DGAT1: variants seen among roughly 807,000 people sequenced by gnomAD.
DGAT1 encodes the protein ACAT related gene product 1.
A neutral mutation model predicts 72.6 loss-of-function variants in DGAT1; 60 were observed. The ratio of observed to expected loss-of-function variants is 0.83; its 90% CI spans 0.67 to 1.02. DGAT1 has a LOEUF of 1.02. DGAT1 is among the 50% of genes least tolerant of loss of function. The pLI, the probability that DGAT1 is intolerant of heterozygous loss-of-function variation, is 0.00. For synonymous variants in DGAT1, 290 were observed against 267.5 expected, an observed-to-expected ratio of 1.08 and a Z score of -0.82; for missense variants, 592 against 670.0, an observed-to-expected ratio of 0.88 and a Z score of 1.29.
chr8:144,325,320 C>G (rs1394725365), intron 1 of DGAT1, among the ~76,000 whole-genome samples: 1 of 152,172 alleles, frequency 6.6e-6, no homozygotes, highest in African/African-American at 2.4e-5. Flanking sequence ...TGCTCCATGC[C>G]TGACTCTCGC....
Position 144,317,031 on chromosome 8 carries a change from G to A in DGAT1, c.1239C>T (p.Phe413=), listed in dbSNP as rs781911802. The A allele has an allele frequency of 5.6e-6, 9 of 1,612,286 alleles. No homozygotes were observed. Among genetic ancestry groups the A allele is most frequent in the Non-Finnish European group, 7.6e-6 (9 of 1,179,782 alleles). ...CCCCCAGAGCACTGACCTCGTGGAAGAAGGCCGAGGCCAGGAACACCCCTG... is the reference window on the plus strand; with the variant it reads ...CCCCCAGAGCACTGACCTCGTGGAAAAAGGCCGAGGCCAGGAACACCCCTG... ...ARTGVFLASA[F]FHEYLVSVPL... The change falls in exon 15 of 17, where the codon TTC becomes TTT. Residue 413 remains phenylalanine, a synonymous_variant. Coordinates refer to ENST00000528718, the MANE Select transcript of DGAT1 (RefSeq NM_012079.6).
intron 2 of DGAT1, 116 bp from the exon 3 acceptor site, chr8:144,319,184 A>G (rs1327782493): frequency 3.6e-5 from 44 of 1,231,836 alleles, no homozygotes; most frequent in Non-Finnish European, 4.7e-5. Flanking sequence ...CGGCAGCCTC[A>G]GGCTTGCAGA....
chr8:144,317,257 G>C lies in DGAT1; in HGVS notation c.1095-5C>G. 1 of 1,610,824 alleles carries C rather than the reference G, an allele frequency of 6.2e-7. No individual in the cohort carries two copies. Among genetic ancestry groups the C allele is most frequent in the Non-Finnish European group, 8.5e-7 (1 of 1,177,750 alleles). Reference sequence around the variant, plus strand: ...TAGGTGACAGACTCGGAGTTCCTGGGGGCCAAGAGACCACAGGGGGATCAG... The same window carrying C: ...TAGGTGACAGACTCGGAGTTCCTGGCGGCCAAGAGACCACAGGGGGATCAG... On this transcript the variant is annotated splice_polypyrimidine_tract_variant and splice_region_variant and intron_variant, in intron 13 of 16. Transcript: ENST00000528718.
chr8:144,325,289 G>A (rs1031757160), intron 1 of DGAT1, among the ~76,000 whole-genome samples: 6 of 151,950 alleles, frequency 3.9e-5, no homozygotes, highest in Non-Finnish European at 8.8e-5. Context: ...CAAGGCCTCC[G>A]TGCCCGACCT....
intron 2 of DGAT1, among the ~76,000 whole-genome samples, chr8:144,319,475 C>T (rs977209305): frequency 2.0e-5 from 3 of 152,240 alleles, no homozygotes; most frequent in Non-Finnish European, 2.9e-5. Flanking sequence ...CCCCAGAATA[C>T]AGGCCTGCCC....
chr8:144,325,107 C>T (rs536452641), intron 1 of DGAT1, among the ~76,000 whole-genome samples: 1 of 152,136 alleles, frequency 6.6e-6, no homozygotes, highest in Admixed American at 6.5e-5. Flanking sequence ...ATTCCCACGT[C>T]CTCCACAGGT....
rs782257835 is a variant in DGAT1 at position 144,319,043 on chromosome 8, A to G, written c.314T>C (p.Leu105Pro). 6.4e-7 allele frequency: 1 copy of G among 1,557,910 alleles called. No homozygotes were observed. The highest frequency in any genetic ancestry group is 1.2e-5 in the South Asian group (1 of 84,412). Residue 105 changes from leucine to proline, a missense_variant, in exon 3 of 17, where the codon CTG becomes CCG. Leu to Pro is a moderately conservative substitution (Grantham distance 98). Transcript: ENST00000528718. Reference sequence around the variant, plus strand: ...AGGCACTCACTTGATGAGGTTCTCCAGAAATAACCGGGCATTGCTCAAGAT... The same window carrying G: ...AGGCACTCACTTGATGAGGTTCTCCGGAAATAACCGGGCATTGCTCAAGAT... ...MLILSNARLF[L>P]ENLIKYGILV...
Position 144,316,493 on chromosome 8 carries a change from AGAGGTGGGCTCTGGCAGCGGGTGT to A in DGAT1, c.*37_*60del. ...TCCCCAGCACTCGAGGCCTAGGAGG[AGAGGTGGGCTCTGGCAGCGGGTGT>A]GAGGTGGCAGTGAGAAGCCAGGCCC... On this transcript the variant is annotated 3_prime_UTR_variant, in exon 17 of 17. Transcript: ENST00000528718. 6.6e-7 allele frequency: 1 copy of A among 1,514,196 alleles called. No homozygotes were observed. Among genetic ancestry groups the A allele is most frequent in the Non-Finnish European group, 8.9e-7 (1 of 1,127,854 alleles). The allele number at this position is 1,514,196 out of a possible 1,614,324, so 93.8% of individuals were successfully genotyped here.
intron 2 of DGAT1, among the ~76,000 whole-genome samples, chr8:144,320,977 A>T (rs1386290444): frequency 1.3e-5 from 2 of 151,918 alleles, no homozygotes; most frequent in Non-Finnish European, 2.9e-5. Flanking sequence ...GAGGCCCTGC[A>T]CCCCTCAGGC....
At position 144,318,521 on chromosome 8, in the gene DGAT1, G is replaced by C. The variant is rs782041538; in HGVS notation, c.514C>G (p.Leu172Val). ...GCTGGGAAACACAGAATGGTGGCCA[G>C]GTTGGCCACGTGCAGCAGCAGTCCC... ...QAGLLLHVAN[L>V]ATILCFPAAV... The change falls in exon 6 of 17, where the codon CTG becomes GTG. Residue 172 changes from leucine to valine, a missense_variant. Physicochemically the swap from Leu to Val is conservative, Grantham distance 32 (BLOSUM62 1). Transcript: ENST00000528718. The C allele has an allele frequency of 5.6e-6, 9 of 1,611,934 alleles. No homozygotes were observed. The highest frequency in any genetic ancestry group is 7.6e-6 in the Non-Finnish European group (9 of 1,179,948).
intron 1 of DGAT1, among the ~76,000 whole-genome samples, chr8:144,321,788 G>A (rs1187400845): frequency 6.6e-6 from 1 of 152,266 alleles, no homozygotes; most frequent in Non-Finnish European, 1.5e-5. Flanking sequence ...TCCAACCTGG[G>A]GATGGACCAG....
At chr8:144,322,740 CAG>C (rs35748151) in intron 1 of DGAT1, among the ~76,000 whole-genome samples, 4 of 152,188 alleles carry the variant, frequency 2.6e-5, no homozygotes, top group Non-Finnish European at 5.9e-5. Context: ...GACTGGAACA[CAG>C]GGGCAGGCAG....
chr8:144,320,181 A>G (rs568702052), intron 2 of DGAT1, among the ~76,000 whole-genome samples: 5 of 152,332 alleles, frequency 3.3e-5, no homozygotes, highest in Admixed American at 2.6e-4. Flanking sequence ...AGCGGGATAC[A>G]TGCCTGGGGT....
chr8:144,321,175 G>A, intron 2 of DGAT1, 146 bp downstream of exon 2: 2 of 740,808 alleles, frequency 2.7e-6, no homozygotes, highest in Admixed American at 2.1e-5. Context: ...CAGCCACATG[G>A]AGGTGCAGCC....
Position 144,315,152 on chromosome 8 carries a change from G to C in DGAT1, c.*1402C>G. The C allele has an allele frequency of 1.0e-6, 1 of 985,484 alleles. No homozygotes were observed. Among genetic ancestry groups the C allele is most frequent in the Non-Finnish European group, 1.2e-6 (1 of 829,960 alleles). 61.0% of individuals were successfully genotyped at this position (985,484 alleles called of 1,614,324 possible). ...GCTGGGCAGTGGAGCAGGCTTTGCT[G>C]CTTTATCTGGCAGCAACAGTTTGTT... On this transcript the variant is annotated 3_prime_UTR_variant, in exon 17 of 17. Coordinates refer to ENST00000528718, the MANE Select transcript of DGAT1 (RefSeq NM_012079.6).
At chr8:144,323,489 C>T (rs779575910) in intron 1 of DGAT1, among the ~76,000 whole-genome samples, 26 of 152,128 alleles carry the variant, frequency 1.7e-4, no homozygotes, top group Non-Finnish European at 3.4e-4. Flanking sequence ...TCCAAGCAGT[C>T]AGTGCGGCCA....
rs1446476933 is a variant in DGAT1, at chr8:144,315,670, C to T, written c.*884G>A. 7.3e-5 allele frequency: 70 copies of T among 961,714 alleles called. No individual in the cohort carries two copies. The highest frequency in any genetic ancestry group is 8.3e-5 in the Non-Finnish European group (67 of 808,306). The allele number at this position is 961,714 out of a possible 1,614,324, so 59.6% of individuals were successfully genotyped here. ...AGGTGTCCTGAAGGCTGCAGGGCTG[C>T]GCTGTCTGCACTGCCCAGCCTGGTG... On this transcript the variant is annotated 3_prime_UTR_variant, in exon 17 of 17. Transcript: ENST00000528718.
intron 6 of DGAT1, 32 bp from the exon 7 acceptor site, chr8:144,318,394 C>T (rs782125270): frequency 1.4e-5 from 22 of 1,607,700 alleles, no homozygotes; most frequent in African/African-American, 1.1e-4. Context: ...GCCTCCACAG[C>T]GCCACAGCCG....
intron 2 of DGAT1, among the ~76,000 whole-genome samples, chr8:144,320,969 G>A (rs911894353): frequency 2.0e-5 from 3 of 152,188 alleles, no homozygotes; most frequent in African/African-American, 7.2e-5. Flanking sequence ...CCTCCCTGGA[G>A]GCCCTGCACC....
Sources: gnomAD v4.1 joint callset for allele counts (sites outside exome capture counted in the v4.1 genomes callset) on GRCh38, gnomAD v4.1.1 for gene constraint, MANE v1.5 for transcripts, NCBI Gene and HGNC (gene_info 2026-07-23, HGNC 2026-07-21) for gene names.